The following SGTB variants were observed in gnomAD, a reference collection of about 807,000 sequenced individuals.
SGTB encodes small glutamine-rich tetratricopeptide repeat-containing protein beta.
A neutral mutation model predicts 43.9 loss-of-function variants in SGTB; 19 were observed. That is an observed-to-expected ratio of 0.43 (90% CI 0.30 to 0.63). The LOEUF (loss-of-function observed/expected upper bound fraction) is 0.63, where lower values mean the gene tolerates loss of function less well. SGTB is among the 30% of genes least tolerant of loss of function. SGTB has a pLI of 0.12. For synonymous variants in SGTB, 116 were observed against 117.3 expected (o/e 0.99, Z 0.07); for missense variants, 304 against 358.9 (o/e 0.85, Z 1.24).
At chr5:65,675,191 C>T (rs947541215) in intron 8 of SGTB, among the ~76,000 whole-genome samples, 6 of 152,110 alleles carry the variant, frequency 3.9e-5, no homozygotes, top group Non-Finnish European at 7.4e-5. Context: ...AAGGCCCATA[C>T]ATTATTTTGT....
intron 5 of SGTB, among the ~76,000 whole-genome samples, chr5:65,686,583 T>C (rs1757504347): frequency 6.6e-6 from 1 of 151,644 alleles, no homozygotes; most frequent in South Asian, 2.1e-4. Flanking sequence ...AGTCCTGAAC[T>C]CCTGGGCTCA....
intron 5 of SGTB, among the ~76,000 whole-genome samples, chr5:65,696,094 A>G (rs1194762927): frequency 1.3e-5 from 2 of 152,220 alleles, no homozygotes; most frequent in Non-Finnish European, 2.9e-5. Context: ...TGCTGTCACT[A>G]GCATTCTTAT....
Position 65,670,161 on chromosome 5 carries a change from A to C in SGTB, c.*85T>G. On this transcript the variant is annotated 3_prime_UTR_variant, in exon 11 of 11. Coordinates refer to ENST00000381007, the MANE Select transcript of SGTB (RefSeq NM_019072.3). The stretch of plus-strand genomic sequence containing the variant: ...ATCAGATATGGTGTTTGGTTTTTTG[A>C]AGGAGGGAGGGGGTACTATCTACAA... 1 of 1,172,204 alleles carries C rather than the reference A, an allele frequency of 8.5e-7. No homozygotes were observed. The highest frequency in any genetic ancestry group is 1.2e-6 in the Non-Finnish European group (1 of 813,516). The allele number at this position is 1,172,204 out of a possible 1,614,324, so 72.6% of individuals were successfully genotyped here.
intron 9 of SGTB, 65 bp from the exon 10 acceptor site, chr5:65,672,063 C>A: frequency 2.5e-6 from 4 of 1,593,834 alleles, no homozygotes; most frequent in Non-Finnish European, 3.4e-6. Context: ...GACAACTGGA[C>A]GAGGAAAAGT....
chr5:65,715,921 C>T (rs1579888982), intron 2 of SGTB, among the ~76,000 whole-genome samples: 1 of 152,306 alleles, frequency 6.6e-6, no homozygotes, highest in South Asian at 2.1e-4. Flanking sequence ...AGACGTGTGC[C>T]ACCACGCCTG....
At chr5:65,676,331 A>G (rs1381580703) in intron 8 of SGTB, among the ~76,000 whole-genome samples, 1 of 152,128 alleles carries the variant, frequency 6.6e-6, no homozygotes, top group African/African-American at 2.4e-5. Context: ...GAAAAAAAAA[A>G]GACAAAGAAG....
chr5:65,695,033 T>TGAAG (rs10646944), intron 5 of SGTB, among the ~76,000 whole-genome samples: 2 of 151,298 alleles, frequency 1.3e-5, no homozygotes, highest in Admixed American at 6.6e-5. Flanking sequence ...TTGGAACTAC[T>TGAAG]GAAAGCAAGC....
chr5:65,672,148 G>A lies in SGTB; in HGVS notation c.719+96C>T, dbSNP rs1757171537. 5 of 1,583,692 alleles carry A rather than the reference G, an allele frequency of 3.2e-6. No homozygotes were observed. In the East Asian group the frequency reaches 1.1e-4, roughly 35 times the overall value. On this transcript the variant is annotated intron_variant, in intron 9 of 10. Coordinates refer to ENST00000381007, the MANE Select transcript of SGTB (RefSeq NM_019072.3). ...TTAAGCTCCAACTGACTGTCATTCA[G>A]AACAGTTTCATCATTTTTGAGCTGA...
intron 5 of SGTB, among the ~76,000 whole-genome samples, chr5:65,691,174 T>C (rs555641698): frequency 6.6e-6 from 1 of 152,308 alleles, no homozygotes; most frequent in East Asian, 1.9e-4. Context: ...AAGGTATCTG[T>C]ATAAACTGAT....
intron 5 of SGTB, among the ~76,000 whole-genome samples, chr5:65,700,942 G>A (rs565349528): frequency 2.7e-4 from 40 of 147,038 alleles, no homozygotes; most frequent in Middle Eastern, 3.5e-3. Flanking sequence ...CCTGGGAGGC[G>A]GAGGTTGCAG....
rs1288797354 is a variant in SGTB at position 65,704,389 on chromosome 5, G to A, written c.275-11C>T. 6.3e-6 allele frequency: 10 copies of A among 1,595,556 alleles called. No homozygotes were observed. Among genetic ancestry groups the A allele is most frequent in the Non-Finnish European group, 8.6e-6 (10 of 1,165,350 alleles). ...TCATGTGGTTATTGCCTAAAATAAA[G>A]TAACCAGTATGTACAGTAAGTATAA... On this transcript the variant is annotated splice_polypyrimidine_tract_variant and intron_variant, in intron 4 of 10. Coordinates refer to ENST00000381007, the MANE Select transcript of SGTB (RefSeq NM_019072.3).
chr5:65,684,494 G>A (rs887690829), intron 6 of SGTB, among the ~76,000 whole-genome samples: 3 of 152,148 alleles, frequency 2.0e-5, no homozygotes, highest in African/African-American at 7.2e-5. Context: ...GCAAAGTTGT[G>A]GAGAAGGTAC....
chr5:65,701,009 CAAAAAAAAAA>C (rs1161067337), intron 5 of SGTB, among the ~76,000 whole-genome samples: 2 of 16,086 alleles, frequency 1.2e-4, no homozygotes, highest in East Asian at 1.5e-3. Flanking sequence ...GACTCCGTCT[CAAAAAAAAAA>C]AAAAAAAAAA....
At chr5:65,682,896 T>C (rs544666682) in intron 6 of SGTB, among the ~76,000 whole-genome samples, 13 of 152,294 alleles carry the variant, frequency 8.5e-5, no homozygotes, top group African/African-American at 1.4e-4. Context: ...TACTGAACAA[T>C]TGTTCCTAGG....
intron 6 of SGTB, among the ~76,000 whole-genome samples, chr5:65,681,975 C>CAA (rs562029850): frequency 1.9e-4 from 26 of 136,926 alleles, no homozygotes; most frequent in South Asian, 1.1e-3. Flanking sequence ...AATTCCATCT[C>CAA]AAAAAAAAAA....
At chr5:65,674,009 G>C (rs2150702897) in intron 8 of SGTB, among the ~76,000 whole-genome samples, 1 of 152,278 alleles carries the variant, frequency 6.6e-6, no homozygotes, top group Middle Eastern at 3.4e-3. Flanking sequence ...TCAGCTTGCT[G>C]ATTAAGAGTT....
Position 65,713,016 on chromosome 5 carries a change from G to C in SGTB, c.149C>G (p.Thr50Arg). 1 of 1,613,728 alleles carries C rather than the reference G, an allele frequency of 6.2e-7. No individual in the cohort carries two copies. Among genetic ancestry groups the C allele is most frequent in the Non-Finnish European group, 8.5e-7 (1 of 1,179,842 alleles). ...ETVFKISPED[T>R]HLAVSQPLTE... ...CAAAGGCTGTGAAACTGCTAGGTGT[G>C]TATCTTCTGGGCTGATCTTAAAAAC... Residue 50 changes from threonine to arginine, a missense_variant, in exon 3 of 11, where the codon ACA (threonine) becomes AGA (arginine). Physicochemically the swap from Thr to Arg is moderately conservative, Grantham distance 71 (BLOSUM62 -1). Transcript: ENST00000381007.
intron 5 of SGTB, among the ~76,000 whole-genome samples, chr5:65,695,931 G>C (rs528489831): frequency 6.6e-6 from 1 of 152,220 alleles, no homozygotes; most frequent in Admixed American, 6.5e-5. Flanking sequence ...ACTGCCCAAG[G>C]TCATGTAGCT....
intron 5 of SGTB, among the ~76,000 whole-genome samples, chr5:65,689,229 A>T (rs1006309496): frequency 3.3e-5 from 5 of 152,234 alleles, no homozygotes; most frequent in Non-Finnish European, 7.3e-5. Context: ...AAGATTATCT[A>T]GCAAATCTAA....
Sources: gnomAD v4.1 joint callset for allele counts (sites outside exome capture counted in the v4.1 genomes callset) on GRCh38, gnomAD v4.1.1 for gene constraint, MANE v1.5 for transcripts, NCBI Gene and HGNC (gene_info 2026-07-23, HGNC 2026-07-21) for gene names.